KCNIP4: variants seen among roughly 807,000 people sequenced by gnomAD.
KCNIP4 encodes the protein Kv channel-interacting protein 4.
In KCNIP4, 12 loss-of-function variants were observed where a neutral mutation model predicts 34.0. The ratio of observed to expected loss-of-function variants is 0.35; its 90% CI spans 0.23 to 0.57. KCNIP4 has a LOEUF of 0.57. KCNIP4 is among the 20% of genes least tolerant of loss of function. The pLI is 0.83. For missense variants in KCNIP4, 238 were observed against 311.7 expected, an observed-to-expected ratio of 0.76 and a Z score of 1.78; for synonymous variants, 124 against 102.2, an observed-to-expected ratio of 1.21 and a Z score of -1.29.
chr4:21,516,405 C>T (rs575108594), intron 1 of KCNIP4, among the ~76,000 whole-genome samples: 191 of 152,278 alleles, frequency 1.3e-3, no homozygotes, highest in Non-Finnish European at 2.3e-3. Context: ...CAACAATCAC[C>T]CTTTTCCTTT....
chr4:21,098,645 C>A (rs1040282175), intron 1 of KCNIP4, among the ~76,000 whole-genome samples: 63 of 152,088 alleles, frequency 4.1e-4, no homozygotes, highest in African/African-American at 1.4e-3. Flanking sequence ...AAAAAAGATT[C>A]TTTTCAAAAT....
intron 1 of KCNIP4, among the ~76,000 whole-genome samples, chr4:20,936,553 C>A (rs1402673707): frequency 1.3e-5 from 2 of 149,836 alleles, no homozygotes; most frequent in Admixed American, 1.3e-4. Flanking sequence ...GTCCAGTACC[C>A]TAGTAGGTAT....
chr4:21,332,753 A>G (rs1408015347), intron 1 of KCNIP4, among the ~76,000 whole-genome samples: 4 of 152,026 alleles, frequency 2.6e-5, no homozygotes, highest in Non-Finnish European at 5.9e-5. Flanking sequence ...ACAACTTCAT[A>G]TCTGTCCTCC....
At chr4:21,836,913 A>ATTT (rs1560750990) in intron 1 of KCNIP4, among the ~76,000 whole-genome samples, 18 of 60,326 alleles carry the variant, frequency 3.0e-4, no homozygotes, top group African/African-American at 9.8e-4. Context: ...AGCTGGGATA[A>ATTT]ATTTTTTTTT....
chr4:20,963,131 G>T (rs1297838023), intron 1 of KCNIP4, among the ~76,000 whole-genome samples: 2 of 151,816 alleles, frequency 1.3e-5, no homozygotes, highest in Non-Finnish European at 2.9e-5. Context: ...GACCAGCCTG[G>T]CCAATATGAT....
At chr4:21,917,301 A>AT (rs1249461263) in intron 1 of KCNIP4, among the ~76,000 whole-genome samples, 4 of 151,874 alleles carry the variant, frequency 2.6e-5, no homozygotes, top group East Asian at 2.0e-4. Flanking sequence ...CACCCAGCTA[A>AT]TTTTTTTGTA....
At chr4:21,248,190 G>A (rs752877907) in intron 1 of KCNIP4, among the ~76,000 whole-genome samples, 17 of 151,660 alleles carry the variant, frequency 1.1e-4, no homozygotes, top group African/African-American at 2.4e-4. Context: ...ATACTCAGGC[G>A]TACCTCTCTC....
intron 3 of KCNIP4, among the ~76,000 whole-genome samples, chr4:20,843,932 C>T (rs1720062607): frequency 6.6e-6 from 1 of 152,120 alleles, no homozygotes; most frequent in African/African-American, 2.4e-5. Flanking sequence ...GATGACATTA[C>T]TGAGTCATTA....
intron 1 of KCNIP4, among the ~76,000 whole-genome samples, chr4:21,030,475 T>C (rs1740924776): frequency 6.6e-6 from 1 of 152,132 alleles, no homozygotes; most frequent in Non-Finnish European, 1.5e-5. Flanking sequence ...GCTTGAATCA[T>C]CCCAAAACCA....
chr4:21,221,320 T>G (rs77013333), intron 1 of KCNIP4, among the ~76,000 whole-genome samples: 4,317 of 152,220 alleles, frequency 0.028, 72 homozygotes, highest in Middle Eastern at 0.044. Flanking sequence ...ATTAATCCGT[T>G]TTCATACTGC....
intron 5 of KCNIP4, among the ~76,000 whole-genome samples, chr4:20,737,199 A>T (rs562931450): frequency 7.9e-5 from 12 of 152,312 alleles, no homozygotes; most frequent in Non-Finnish European, 1.5e-4. Context: ...TTTGGCAGGT[A>T]CAGAGAGGAG....
intron 1 of KCNIP4, among the ~76,000 whole-genome samples, chr4:21,007,286 G>A (rs11934829): frequency 0.016 from 2,475 of 152,160 alleles, 69 homozygotes; most frequent in African/African-American, 0.055. Flanking sequence ...CGTATATGGC[G>A]GAACCTGTAC....
intron 1 of KCNIP4, among the ~76,000 whole-genome samples, chr4:21,097,469 A>G (rs776954037): frequency 1.8e-4 from 28 of 152,302 alleles, no homozygotes; most frequent in African/African-American, 6.5e-4. Context: ...ATAGGAGTCA[A>G]TGGGAGTCAT....
chr4:21,339,121 G>A (rs1560304006), intron 1 of KCNIP4, among the ~76,000 whole-genome samples: 1 of 152,156 alleles, frequency 6.6e-6, no homozygotes. Context: ...GTGCTTTGCT[G>A]CTAGACAGAT....
At chr4:21,526,052 G>T (rs2108961225) in intron 1 of KCNIP4, among the ~76,000 whole-genome samples, 1 of 152,232 alleles carries the variant, frequency 6.6e-6, no homozygotes, top group East Asian at 1.9e-4. Context: ...ATGAATGGAT[G>T]CCATCATATG....
chr4:21,888,892 C>T (rs1413980269), intron 1 of KCNIP4, among the ~76,000 whole-genome samples: 2 of 152,084 alleles, frequency 1.3e-5, no homozygotes, highest in Non-Finnish European at 2.9e-5. Context: ...GATCACCTGT[C>T]AAGTTTTACT....
intron 1 of KCNIP4, among the ~76,000 whole-genome samples, chr4:21,522,267 C>T (rs924180970): frequency 1.3e-5 from 2 of 152,044 alleles, no homozygotes; most frequent in African/African-American, 4.8e-5. Context: ...CATTTTTTAA[C>T]CTCTTTATGA....
chr4:20,867,079 T>C (rs1010540678), intron 2 of KCNIP4, among the ~76,000 whole-genome samples: 2 of 152,074 alleles, frequency 1.3e-5, no homozygotes, highest in Non-Finnish European at 2.9e-5. Context: ...ATGGCCATAC[T>C]GCCCAATGCA....
chr4:21,415,034 A>G (rs908479184), intron 1 of KCNIP4, among the ~76,000 whole-genome samples: 2 of 152,090 alleles, frequency 1.3e-5, no homozygotes, highest in Non-Finnish European at 2.9e-5. Flanking sequence ...TTGTGCTATC[A>G]AATGCTAGAT....
Sources: gnomAD v4.1 joint callset for allele counts (sites outside exome capture counted in the v4.1 genomes callset) on GRCh38, gnomAD v4.1.1 for gene constraint, MANE v1.5 for transcripts, NCBI Gene and HGNC (gene_info 2026-07-23, HGNC 2026-07-21) for gene names.